Variants in UBE2G1 observed in about 807,000 individuals in gnomAD.
UBE2G1 encodes the protein ubiquitin-conjugating enzyme E2 G1.
A neutral mutation model predicts 22.7 loss-of-function variants in UBE2G1; 5 were observed. The ratio of observed to expected loss-of-function variants is 0.22; its 90% CI spans 0.12 to 0.46. The LOEUF is 0.46. Among genes scored for constraint, UBE2G1 ranks in the 20% least tolerant of loss-of-function variants. The pLI is 0.99. For missense variants in UBE2G1, 88 were observed against 203.9 expected (o/e 0.43, Z 3.46); for synonymous variants, 74 against 67.5 (o/e 1.10, Z -0.47).
chr17:4,301,384 C>A (rs145146971), intron 2 of UBE2G1: 607 of 576,218 alleles, frequency 1.1e-3, no homozygotes, highest in Non-Finnish European at 1.4e-3. Flanking sequence ...GTGCTGCTGG[C>A]CCTTCTGTGG....
rs555778725 is a variant in UBE2G1 at position 4,366,406 on chromosome 17, A to G, written c.-90T>C. 2.4e-4 allele frequency: 311 copies of G among 1,287,082 alleles called. 1 individual carries two copies. In the African/African-American group the frequency reaches 3.7e-3, roughly 15 times the overall value. The allele number at this position is 1,287,082 out of a possible 1,614,324, so 79.7% of individuals were successfully genotyped here. A position where few individuals can be genotyped will look rare whatever the true frequency, so the allele number is the denominator to read the frequency against. ...CGGCTGGAGCGGGGTGTGCCGAGGA[A>G]CCCGGGCCCCGCGACCGGAGCGCCG... On this transcript the variant is annotated 5_prime_UTR_variant, in exon 1 of 6. Transcript: ENST00000396981.
At chr17:4,317,153 A>G (rs769302199) in intron 1 of UBE2G1, among the ~76,000 whole-genome samples, 10 of 151,900 alleles carry the variant, frequency 6.6e-5, no homozygotes, top group Non-Finnish European at 1.3e-4. Flanking sequence ...AGTTTAAGAC[A>G]AGCCTGGCCA....
chr17:4,355,158 C>T (rs929143878), intron 1 of UBE2G1, among the ~76,000 whole-genome samples: 3 of 151,774 alleles, frequency 2.0e-5, no homozygotes, highest in Non-Finnish European at 1.5e-5. Context: ...TGTGCAACCA[C>T]GACCAGCTAA....
chr17:4,343,908 G>A (rs1969739772), intron 1 of UBE2G1, among the ~76,000 whole-genome samples: 1 of 152,082 alleles, frequency 6.6e-6, no homozygotes, highest in African/African-American at 2.4e-5. Flanking sequence ...TTCAAGAGGA[G>A]CAGAAACATT....
Position 4,272,020 on chromosome 17 carries a change from T to C in UBE2G1, c.*534A>G, listed in dbSNP as rs1567994534. ...GGGGAGTGTGTCAAAACAAAGAAGATACAAAAGTTTAGTAAGTGAAAAGAG... is the reference window on the plus strand; with the variant it reads ...GGGGAGTGTGTCAAAACAAAGAAGACACAAAAGTTTAGTAAGTGAAAAGAG... On this transcript the variant is annotated 3_prime_UTR_variant, in exon 6 of 6. Transcript: ENST00000396981. 6.6e-6 allele frequency: 1 copy of C among 152,526 alleles called. No individual in the cohort carries two copies. The highest frequency in any genetic ancestry group is 1.5e-5 in the Non-Finnish European group (1 of 68,028). The allele number at this position is 152,526 out of a possible 1,614,324, so 9.4% of individuals were successfully genotyped here.
chr17:4,279,788 TATATATATATATATATATATATATA>T lies in UBE2G1; in HGVS notation c.*37+2985_*37+3009del, dbSNP rs1567513689. Among the ~76,000 whole-genome samples, 33 of 113,234 alleles carry T rather than the reference TATATATATATATATATATATATATA, an allele frequency of 2.9e-4. 4 individuals are homozygous for T. Among genetic ancestry groups the T allele is most frequent in the African/African-American group, 1.9e-3 (32 of 17,212 alleles). 74.3% of individuals were successfully genotyped at this position (113,234 alleles called of 152,430 possible). On this transcript the variant is annotated intron_variant, in intron 5 of 5. Coordinates refer to ENST00000396981, the MANE Select transcript of UBE2G1 (RefSeq NM_003342.5). ...AAACTCTGCCCCCAAAAAAAAGTTA[TATATATATATATATATATATATATA>T]TATATATATATATATATATGAACCT...
chr17:4,285,760 G>A (rs1359742276), intron 4 of UBE2G1, among the ~76,000 whole-genome samples: 1 of 152,028 alleles, frequency 6.6e-6, no homozygotes, highest in Non-Finnish European at 1.5e-5. Flanking sequence ...GACCATCCTG[G>A]CCAACATGGT....
intron 4 of UBE2G1, among the ~76,000 whole-genome samples, chr17:4,285,743 TAA>T (rs1968955518): frequency 6.6e-6 from 1 of 151,754 alleles, no homozygotes; most frequent in African/African-American, 2.4e-5. Flanking sequence ...CGACATCAAG[TAA>T]TCAAGACCAT....
At chr17:4,306,450 A>G (rs758571297) in intron 2 of UBE2G1, among the ~76,000 whole-genome samples, 3 of 151,918 alleles carry the variant, frequency 2.0e-5, no homozygotes, top group Non-Finnish European at 2.9e-5. Context: ...CAGCCTCCTA[A>G]AGTGCTGGGA....
chr17:4,329,360 T>C (rs891357147), intron 1 of UBE2G1, among the ~76,000 whole-genome samples: 4 of 146,784 alleles, frequency 2.7e-5, no homozygotes, highest in Admixed American at 6.8e-5. Context: ...GATCGCACCA[T>C]TGCACTCCAG....
At position 4,280,485 on chromosome 17, in the gene UBE2G1, T is replaced by C. The variant is rs559450409; in HGVS notation, c.*37+2313A>G. Among the ~76,000 whole-genome samples the C allele has an allele frequency of 2.0e-5, 3 of 150,260 alleles. No homozygotes were observed. In the South Asian group the frequency reaches 6.4e-4, roughly 32 times the overall value. ...TCTCAGCCTCCTGAGTAGCTGGGAC[T>C]ATAGGAGTGCACCACTACACCTTGG... On this transcript the variant is annotated intron_variant, in intron 5 of 5. Transcript: ENST00000396981.
At position 4,323,570 on chromosome 17, in the gene UBE2G1, G is replaced by T. The variant is rs187244580; in HGVS notation, c.47-16447C>A. Among the ~76,000 whole-genome samples the T allele has an allele frequency of 3.3e-5, 5 of 152,284 alleles. No homozygotes were observed. The East Asian group carries it at 9.6e-4, about 29-fold the overall frequency. Reference sequence around the variant, plus strand: ...ATTATTAGATCTTACTAAGGAGACTGGGCTGAGAGAACAGCTTTGTCGCCC... The same window carrying T: ...ATTATTAGATCTTACTAAGGAGACTTGGCTGAGAGAACAGCTTTGTCGCCC... On this transcript the variant is annotated intron_variant, in intron 1 of 5. Transcript: ENST00000396981.
intron 1 of UBE2G1, among the ~76,000 whole-genome samples, chr17:4,363,261 T>C (rs1437665294): frequency 6.6e-6 from 1 of 152,218 alleles, no homozygotes; most frequent in Non-Finnish European, 1.5e-5. Flanking sequence ...TTAATTAACA[T>C]GCTTCAAATT....
chr17:4,284,743 A>G (rs1394143051), intron 4 of UBE2G1, among the ~76,000 whole-genome samples: 1 of 151,820 alleles, frequency 6.6e-6, no homozygotes, highest in Non-Finnish European at 1.5e-5. Context: ...TTGTCATCCA[A>G]ATAGCCATAT....
chr17:4,324,702 G>A (rs993738521), intron 1 of UBE2G1, among the ~76,000 whole-genome samples: 16 of 152,040 alleles, frequency 1.1e-4, no homozygotes, highest in African/African-American at 3.9e-4. Context: ...ACAGGCATGA[G>A]CCACCATGTC....
chr17:4,281,707 G>GT (rs1176450370), intron 5 of UBE2G1, among the ~76,000 whole-genome samples: 1 of 152,184 alleles, frequency 6.6e-6, no homozygotes, highest in African/African-American at 2.4e-5. Flanking sequence ...TTTCTGCTAT[G>GT]TTTTTAACTG....
chr17:4,282,032 T>C (rs11868068), intron 5 of UBE2G1, among the ~76,000 whole-genome samples: 57,115 of 152,018 alleles, frequency 0.38, 11,372 homozygotes, highest in African/African-American at 0.51. Flanking sequence ...TTTTAACTAC[T>C]GGCCCTATCT....
intron 1 of UBE2G1, among the ~76,000 whole-genome samples, chr17:4,313,382 CTA>C (rs1969333050): frequency 6.6e-6 from 1 of 152,136 alleles, no homozygotes; most frequent in Non-Finnish European, 1.5e-5. Context: ...AAAAGGGAAA[CTA>C]AAACCCAAAA....
intron 5 of UBE2G1, among the ~76,000 whole-genome samples, chr17:4,279,687 A>G (rs908539784): frequency 6.6e-6 from 1 of 151,734 alleles, no homozygotes. Flanking sequence ...AGGCACTAGA[A>G]CTGCTTGAAC....
Sources: allele counts gnomAD v4.1 joint callset (sites outside exome capture counted in the v4.1 genomes callset), GRCh38; gene constraint gnomAD v4.1.1; transcripts MANE v1.5; gene names NCBI Gene and HGNC (gene_info 2026-07-23, HGNC 2026-07-21).